The following ETHE1 variants were observed in gnomAD, a reference collection of about 807,000 sequenced individuals.
ETHE1 encodes the protein ETHE1 persulfide dioxygenase.
ETHE1 carries 16 observed loss-of-function variants against 25.7 expected under a neutral mutation model. That is an observed-to-expected ratio of 0.62 (90% CI 0.42 to 0.95). The LOEUF (loss-of-function observed/expected upper bound fraction) is 0.95, where lower values mean the gene tolerates loss of function less well. ETHE1 is among the 40% of genes least tolerant of loss of function. The probability of loss-of-function intolerance (pLI) is 0.00; values close to 1 mark genes in which losing one functional copy is unlikely to be tolerated. For synonymous variants in ETHE1, 139 were observed against 135.9 expected, an observed-to-expected ratio of 1.02 and a Z score of -0.16; for missense variants, 300 against 333.6, an observed-to-expected ratio of 0.90 and a Z score of 0.79.
At chr19:43,507,395 C>G (rs1971802534) in intron 6 of ETHE1, among the ~76,000 whole-genome samples, 1 of 54,462 alleles carries the variant, frequency 1.8e-5, no homozygotes, top group African/African-American at 7.9e-5. Context: ...GCCCCCAGCT[C>G]CTCCTCCCCC....
At chr19:43,512,382 A>C (rs1209367287) in intron 3 of ETHE1, among the ~76,000 whole-genome samples, 1 of 152,184 alleles carries the variant, frequency 6.6e-6, no homozygotes, top group Non-Finnish European at 1.5e-5. Flanking sequence ...TGAACAATGA[A>C]GTCCAGGCTG....
At chr19:43,513,448 G>A (rs1971958402) in intron 3 of ETHE1, among the ~76,000 whole-genome samples, 1 of 152,196 alleles carries the variant, frequency 6.6e-6, no homozygotes, top group African/African-American at 2.4e-5. Flanking sequence ...CAAGACCATG[G>A]GAACCCACCT....
chr19:43,524,766 T>G (rs1208258132), intron 3 of ETHE1, among the ~76,000 whole-genome samples: 4 of 151,076 alleles, frequency 2.6e-5, no homozygotes, highest in Non-Finnish European at 5.9e-5. Flanking sequence ...ATCCCACCAT[T>G]GCACTCCAGC....
intron 3 of ETHE1, among the ~76,000 whole-genome samples, chr19:43,514,263 G>A (rs1470451634): frequency 6.6e-6 from 1 of 151,920 alleles, no homozygotes; most frequent in Non-Finnish European, 1.5e-5. Context: ...ATGGGGGTGG[G>A]TTTTTCCCAT....
In ETHE1 at chr19:43,526,151, T is replaced by G. The variant is rs142759186; in HGVS notation, c.375+50A>C. On this transcript the variant is annotated intron_variant, in intron 3 of 6. Coordinates refer to ENST00000292147, the MANE Select transcript of ETHE1 (RefSeq NM_014297.5). ...GCCCCCAGTCCCCTCTTCCCTTAAG[T>G]TTAAGAAGTCCAGGCCACCACCCTC... 12,626 of 1,613,460 alleles carry G rather than the reference T, an allele frequency of 7.8e-3. 58 individuals are homozygous for G. Among genetic ancestry groups the G allele is most frequent in the Non-Finnish European group, 9.6e-3 (11,359 of 1,179,766 alleles).
intron 4 of ETHE1, among the ~76,000 whole-genome samples, chr19:43,509,499 G>GA (rs35426776): frequency 8.1e-4 from 92 of 113,986 alleles, no homozygotes; most frequent in African/African-American, 1.3e-3. Context: ...TCTGTCTCAA[G>GA]AAAAAAAAAA....
At chr19:43,508,687 T>A in intron 5 of ETHE1, 88 bp downstream of exon 5, 1 of 1,115,368 alleles carries the variant, frequency 9.0e-7, no homozygotes, top group Non-Finnish European at 1.3e-6. Flanking sequence ...CTGAGACTGG[T>A]CGTCTTCATG....
chr19:43,527,197 G>C lies in ETHE1; in HGVS notation c.-20C>G. The C allele has an allele frequency of 6.5e-7, 1 of 1,534,252 alleles. No homozygotes were observed. The highest frequency in any genetic ancestry group is 8.7e-7 in the Non-Finnish European group (1 of 1,145,274). On this transcript the variant is annotated 5_prime_UTR_variant, in exon 1 of 7. Coordinates refer to ENST00000292147, the MANE Select transcript of ETHE1 (RefSeq NM_014297.5). Reference sequence around the variant, plus strand: ...CGCCATCGCGCCCACTGCGGGGTCAGGAATGAGCGGAGGCCGAGCGCCTGC... The same window carrying C: ...CGCCATCGCGCCCACTGCGGGGTCACGAATGAGCGGAGGCCGAGCGCCTGC...
At chr19:43,522,348 C>T (rs1033058461) in intron 3 of ETHE1, among the ~76,000 whole-genome samples, 1 of 151,996 alleles carries the variant, frequency 6.6e-6, no homozygotes, top group East Asian at 1.9e-4. Flanking sequence ...TCACTTGAGC[C>T]CAGGAGTTGG....
chr19:43,525,191 T>C (rs1171499630), intron 3 of ETHE1, among the ~76,000 whole-genome samples: 1 of 150,868 alleles, frequency 6.6e-6, no homozygotes, highest in Non-Finnish European at 1.5e-5. Context: ...CTACCATAGC[T>C]AAACCCTTCG....
At chr19:43,527,058 A>T in intron 1 of ETHE1, 39 bp downstream of exon 1, 1 of 1,545,302 alleles carries the variant, frequency 6.5e-7, no homozygotes, top group Non-Finnish European at 8.7e-7. Flanking sequence ...GCTGCCGCCT[A>T]GTGCCCAGCA....
At chr19:43,522,756 C>T (rs1045021323) in intron 3 of ETHE1, among the ~76,000 whole-genome samples, 16 of 152,318 alleles carry the variant, frequency 1.1e-4, no homozygotes, top group Non-Finnish European at 1.9e-4. Flanking sequence ...GCTGGGATTA[C>T]AGGCATGAGC....
chr19:43,509,001 A>C, intron 4 of ETHE1, 137 bp from the exon 5 acceptor site: 1 of 739,870 alleles, frequency 1.4e-6, no homozygotes, highest in South Asian at 1.5e-5. Flanking sequence ...CCCTTTGTCT[A>C]AGTAGAGAAC....
chr19:43,518,003 G>A (rs189593392), intron 3 of ETHE1, among the ~76,000 whole-genome samples: 9 of 144,908 alleles, frequency 6.2e-5, no homozygotes, highest in African/African-American at 1.3e-4. Context: ...GTGACAGAGC[G>A]AGACTGTCTC....
chr19:43,524,585 G>T (rs1361620735), intron 3 of ETHE1, among the ~76,000 whole-genome samples: 1 of 151,900 alleles, frequency 6.6e-6, no homozygotes, highest in Non-Finnish European at 1.5e-5. Context: ...TATGGTATGT[G>T]GGTTATATCA....
intron 3 of ETHE1, among the ~76,000 whole-genome samples, chr19:43,523,153 G>T (rs377707888): frequency 6.6e-6 from 1 of 152,178 alleles, no homozygotes; most frequent in African/African-American, 2.4e-5. Context: ...CAGAAAGGGA[G>T]GCAAGGAAGA....
At chr19:43,521,560 C>G (rs1025027470) in intron 3 of ETHE1, among the ~76,000 whole-genome samples, 1 of 151,630 alleles carries the variant, frequency 6.6e-6, no homozygotes, top group Admixed American at 6.6e-5. Flanking sequence ...TGTGATAAAC[C>G]CTGTGTTTTA....
At chr19:43,521,248 C>T (rs1383167615) in intron 3 of ETHE1, among the ~76,000 whole-genome samples, 2 of 152,112 alleles carry the variant, frequency 1.3e-5, no homozygotes, top group African/African-American at 4.8e-5. Context: ...AGAAGGATCA[C>T]CGAAAGGCGG....
Position 43,507,828 on chromosome 19 carries a change from C to T in ETHE1, c.712+116G>A, listed in dbSNP as rs549647087. 16 of 1,070,772 alleles carry T rather than the reference C, an allele frequency of 1.5e-5. No individual in the cohort carries two copies. The South Asian group carries it at 2.3e-4, about 15-fold the overall frequency. The allele number at this position is 1,070,772 out of a possible 1,614,324, so 66.3% of individuals were successfully genotyped here. A position where few individuals can be genotyped will look rare whatever the true frequency, so the allele number is the denominator to read the frequency against. The stretch of plus-strand genomic sequence containing the variant: ...ACCCAGGAGTCCAGGCCCCCAGCCC[C>T]TCCTCCCTCAGACCCAGGAGTCCAG... On this transcript the variant is annotated intron_variant, in intron 6 of 6. Coordinates refer to ENST00000292147, the MANE Select transcript of ETHE1 (RefSeq NM_014297.5).
Sources: gnomAD v4.1 joint callset for allele counts (sites outside exome capture counted in the v4.1 genomes callset) on GRCh38, gnomAD v4.1.1 for gene constraint, MANE v1.5 for transcripts, NCBI Gene and HGNC (gene_info 2026-07-23, HGNC 2026-07-21) for gene names.